The following KLRG1 variants were observed in gnomAD, a reference collection of about 807,000 sequenced individuals.
KLRG1 encodes killer cell lectin-like receptor subfamily G member 1.
Under a neutral mutation model 21.8 loss-of-function variants are expected in KLRG1, and 16 were observed. The observed-to-expected ratio is 0.73, with a 90% CI of 0.50 to 1.11. The LOEUF (loss-of-function observed/expected upper bound fraction) is 1.11, where lower values mean the gene tolerates loss of function less well. KLRG1 is among the 50% of genes most tolerant of loss of function. The pLI is 0.00. For missense variants in KLRG1, 173 were observed against 218.3 expected (o/e 0.79, Z 1.31); for synonymous variants, 69 against 75.9 (o/e 0.91, Z 0.47).
intron 2 of KLRG1, among the ~76,000 whole-genome samples, chr12:8,993,452 C>G (rs1454922765): frequency 1.3e-5 from 2 of 152,048 alleles, no homozygotes; most frequent in Admixed American, 6.6e-5. Flanking sequence ...CCACGCCCAG[C>G]TAATTTTTTG....
At chr12:8,975,590 G>A (rs1946645033) in intron 1 of KLRG1, among the ~76,000 whole-genome samples, 2 of 151,510 alleles carry the variant, frequency 1.3e-5, no homozygotes, top group Admixed American at 6.6e-5. Context: ...TTGAGACAGG[G>A]TCTTGTTCTG....
chr12:9,057,121 GA>G, the KLRG1 span, among the ~76,000 whole-genome samples: 4 of 152,066 alleles, frequency 2.6e-5, no homozygotes, highest in Non-Finnish European at 5.9e-5. Flanking sequence ...GGCCAAGGAA[GA>G]AAAAATAAGT....
At chr12:9,052,160 G>A in the KLRG1 span, among the ~76,000 whole-genome samples, 20 of 152,286 alleles carry the variant, frequency 1.3e-4, no homozygotes, top group African/African-American at 3.6e-4. Context: ...TTAAATACAG[G>A]ATAGTGGATT....
At chr12:9,028,104 C>T in the KLRG1 span, 1 of 989,630 alleles carries the variant, frequency 1.0e-6, no homozygotes, top group Non-Finnish European at 1.6e-6. Flanking sequence ...TTCAATTTTT[C>T]CAAACTGTTC....
At chr12:9,095,446 C>G in the KLRG1 span, 1 of 1,250,048 alleles carries the variant, frequency 8.0e-7, no homozygotes, top group South Asian at 1.4e-5. Flanking sequence ...TTACCCTCAA[C>G]TAGGACATGA....
chr12:9,189,444 G>T, the KLRG1 span, among the ~76,000 whole-genome samples: 9 of 152,334 alleles, frequency 5.9e-5, 1 homozygote, highest in African/African-American at 2.2e-4. Context: ...GCCATAGGCA[G>T]AAGATTGAAA....
intron 1 of KLRG1, among the ~76,000 whole-genome samples, chr12:8,966,078 G>A (rs966766349): frequency 6.6e-6 from 1 of 152,138 alleles, no homozygotes; most frequent in Non-Finnish European, 1.5e-5. Flanking sequence ...AGAAAAACAA[G>A]CAATGGGGAA....
At chr12:9,108,405 C>A in the KLRG1 span, among the ~76,000 whole-genome samples, 1 of 152,272 alleles carries the variant, frequency 6.6e-6, no homozygotes, top group Non-Finnish European at 1.5e-5. Context: ...GGATTACAGG[C>A]GTGAGCCACC....
the KLRG1 span, among the ~76,000 whole-genome samples, chr12:9,127,595 G>A: frequency 6.6e-6 from 1 of 152,140 alleles, no homozygotes. Flanking sequence ...GTGCACTTTG[G>A]AGTCGGGGGC....
At chr12:9,072,970 A>G in the KLRG1 span, 3 of 806,276 alleles carry the variant, frequency 3.7e-6, no homozygotes, top group East Asian at 8.0e-5. Context: ...TTGATTTCCT[A>G]CTTCCCTCAC....
chr12:9,093,501 A>C, the KLRG1 span: 2 of 1,613,946 alleles, frequency 1.2e-6, no homozygotes, highest in East Asian at 2.2e-5. Context: ...TGTCTCAGGG[A>C]AGTACTTTCG....
At chr12:9,142,535 T>C in the KLRG1 span, among the ~76,000 whole-genome samples, 2 of 152,366 alleles carry the variant, frequency 1.3e-5, no homozygotes, top group African/African-American at 2.4e-5. Context: ...AAAGGTCCCA[T>C]AGCTTTTACT....
intron 1 of KLRG1, among the ~76,000 whole-genome samples, chr12:8,976,786 C>T (rs1001371278): frequency 6.6e-6 from 1 of 151,988 alleles, no homozygotes; most frequent in Non-Finnish European, 1.5e-5. Context: ...GCTCTTGTTG[C>T]CCAGGCTGGA....
At chr12:9,164,276 G>A in the KLRG1 span, 1 of 1,610,282 alleles carries the variant, frequency 6.2e-7, no homozygotes, top group African/African-American at 1.3e-5. Context: ...CCCCATGTGA[G>A]GCAGAGACAG....
intron 3 of KLRG1, among the ~76,000 whole-genome samples, chr12:8,996,720 A>G (rs1947143195): frequency 6.6e-6 from 1 of 152,184 alleles, no homozygotes; most frequent in African/African-American, 2.4e-5. Flanking sequence ...AGGTGGCAGA[A>G]TGCATTGAGT....
intron 2 of KLRG1, among the ~76,000 whole-genome samples, chr12:8,992,889 T>C (rs1368999638): frequency 6.6e-6 from 1 of 152,008 alleles, no homozygotes; most frequent in African/African-American, 2.4e-5. Flanking sequence ...TCTCCCACCT[T>C]TCTTTCTTTT....
chr12:9,157,397 G>T, the KLRG1 span: 1 of 1,575,896 alleles, frequency 6.3e-7, no homozygotes, highest in Non-Finnish European at 8.7e-7. Flanking sequence ...AGGGTGAATA[G>T]AGGGCAGAGC....
At chr12:8,978,456 A>G (rs755066769) in intron 1 of KLRG1, among the ~76,000 whole-genome samples, 2 of 152,328 alleles carry the variant, frequency 1.3e-5, no homozygotes, top group African/African-American at 2.4e-5. Flanking sequence ...AATTACAGAC[A>G]TGAACCACTG....
chr12:9,098,603 T>C, the KLRG1 span: 3 of 1,593,834 alleles, frequency 1.9e-6, no homozygotes, highest in Non-Finnish European at 2.6e-6. Flanking sequence ...TGCCAGGAAC[T>C]CACCGAGGAC....
Sources: gnomAD v4.1 joint callset for allele counts (sites outside exome capture counted in the v4.1 genomes callset) on GRCh38, gnomAD v4.1.1 for gene constraint, MANE v1.5 for transcripts, NCBI Gene and HGNC (gene_info 2026-07-23, HGNC 2026-07-21) for gene names.